Variants in FAM184A observed in about 807,000 individuals in gnomAD.
FAM184A encodes family with sequence similarity 184 member A.
A neutral mutation model predicts 143.8 loss-of-function variants in FAM184A; 99 were observed. The observed-to-expected ratio is 0.69, with a 90% CI of 0.58 to 0.81. The LOEUF is 0.81. Ranked by LOEUF, FAM184A falls within the 40% of genes least tolerant of loss-of-function variation. The pLI is 0.00. For synonymous variants in FAM184A, 427 were observed against 446.4 expected (o/e 0.96, Z 0.55); for missense variants, 1,217 against 1,310.5 (o/e 0.93, Z 1.10).
At chr6:118,990,050 T>C (rs771126226) in intron 9 of FAM184A, among the ~76,000 whole-genome samples, 27 of 152,090 alleles carry the variant, frequency 1.8e-4, no homozygotes, top group African/African-American at 6.3e-4. Flanking sequence ...GATGGTCTCA[T>C]CTTCTGACCT....
intron 7 of FAM184A, 189 bp downstream of exon 7, chr6:119,006,258 C>T (rs1299080214): frequency 1.3e-6 from 1 of 750,918 alleles, no homozygotes. Flanking sequence ...GGACTTCTAG[C>T]CTCCAGAGCT....
chr6:119,019,333 G>A (rs1785367501), intron 4 of FAM184A, among the ~76,000 whole-genome samples: 1 of 152,176 alleles, frequency 6.6e-6, no homozygotes, highest in Non-Finnish European at 1.5e-5. Flanking sequence ...TGAGGGCTGA[G>A]GCAAAAGCAA....
chr6:119,062,955 C>A (rs558994295), intron 1 of FAM184A, among the ~76,000 whole-genome samples: 2 of 152,246 alleles, frequency 1.3e-5, no homozygotes, highest in Non-Finnish European at 2.9e-5. Flanking sequence ...CTAGAGGGTA[C>A]ATTTAACACA....
At chr6:119,022,883 A>G (rs1361823378) in intron 3 of FAM184A, 62 bp downstream of exon 3, 1 of 1,596,758 alleles carries the variant, frequency 6.3e-7, no homozygotes, top group Non-Finnish European at 8.6e-7. Context: ...TCTCCAAAAA[A>G]ATAAATAAAT....
chr6:119,115,393 G>A (rs1052875968), intron 1 of FAM184A, among the ~76,000 whole-genome samples: 13 of 152,184 alleles, frequency 8.5e-5, no homozygotes, highest in Non-Finnish European at 4.4e-5. Context: ...TGATTCAGAT[G>A]TCAAGACTGA....
At chr6:119,050,730 G>A (rs1037799163) in intron 1 of FAM184A, among the ~76,000 whole-genome samples, 4 of 152,000 alleles carry the variant, frequency 2.6e-5, no homozygotes, top group Admixed American at 6.5e-5. Context: ...GCGTGAACCC[G>A]GGAAGCGGAG....
At chr6:118,978,240 G>C (rs1344704078) in intron 11 of FAM184A, among the ~76,000 whole-genome samples, 1 of 152,146 alleles carries the variant, frequency 6.6e-6, no homozygotes, top group East Asian at 1.9e-4. Flanking sequence ...TGGGATTAGA[G>C]GTGTGAGCCA....
At chr6:118,960,717 A>C in intron 17 of FAM184A, 1 of 970,676 alleles carries the variant, frequency 1.0e-6, no homozygotes, top group Non-Finnish European at 1.5e-6. Flanking sequence ...TACTTTTCTT[A>C]ATTCTAACTA....
At chr6:119,101,374 A>G (rs2114834729) in intron 1 of FAM184A, among the ~76,000 whole-genome samples, 1 of 152,206 alleles carries the variant, frequency 6.6e-6, no homozygotes, top group Non-Finnish European at 1.5e-5. Context: ...GCCCAGCCAC[A>G]ATGCACTTTC....
chr6:119,089,061 T>C (rs1788301421), intron 1 of FAM184A, among the ~76,000 whole-genome samples: 1 of 151,910 alleles, frequency 6.6e-6, no homozygotes, highest in Non-Finnish European at 1.5e-5. Context: ...TTTTCTATTA[T>C]TTATTTATTT....
At chr6:119,148,364 A>G (rs1026870531) in intron 1 of FAM184A, among the ~76,000 whole-genome samples, 1 of 152,062 alleles carries the variant, frequency 6.6e-6, no homozygotes, top group African/African-American at 2.4e-5. Flanking sequence ...CACCTACCCC[A>G]CGAGAGTTGG....
At chr6:119,071,180 T>G (rs994957115) in intron 1 of FAM184A, among the ~76,000 whole-genome samples, 7 of 152,190 alleles carry the variant, frequency 4.6e-5, no homozygotes, top group African/African-American at 1.7e-4. Flanking sequence ...TCATAACACT[T>G]TTTAAGACTG....
intron 2 of FAM184A, among the ~76,000 whole-genome samples, chr6:119,023,552 T>TC (rs758190115): frequency 2.1e-3 from 29 of 13,988 alleles, no homozygotes; most frequent in African/African-American, 4.3e-3. Context: ...AGCAATATTG[T>TC]CCGCCCCCCC....
intron 1 of FAM184A, among the ~76,000 whole-genome samples, chr6:119,103,547 C>G (rs2114838030): frequency 6.6e-6 from 1 of 152,130 alleles, no homozygotes. Context: ...ATTGGATGTC[C>G]AATTCATTTG....
chr6:119,076,721 C>T (rs1271411502), intron 1 of FAM184A, among the ~76,000 whole-genome samples: 2 of 152,202 alleles, frequency 1.3e-5, no homozygotes, highest in African/African-American at 4.8e-5. Flanking sequence ...TAAATATTCA[C>T]GTGCTTCATT....
chr6:119,066,702 T>C (rs1447668241), intron 1 of FAM184A, among the ~76,000 whole-genome samples: 2 of 152,250 alleles, frequency 1.3e-5, no homozygotes, highest in Admixed American at 6.5e-5. Context: ...AGGACAGTTA[T>C]CTTTGCCAAC....
At chr6:119,102,745 G>A (rs1396411541) in intron 1 of FAM184A, among the ~76,000 whole-genome samples, 6 of 118,986 alleles carry the variant, frequency 5.0e-5, no homozygotes, top group South Asian at 3.1e-4. Flanking sequence ...AGCTGAGATC[G>A]AGCCATTGCA....
At chr6:119,083,356 C>T (rs182541232), upstream of FAM184A, among the ~76,000 whole-genome samples, 3 of 152,324 alleles carry the variant, frequency 2.0e-5, no homozygotes, top group Non-Finnish European at 4.4e-5. Flanking sequence ...CTGCAACTGG[C>T]CTGAATTTCT....
intron 1 of FAM184A, among the ~76,000 whole-genome samples, chr6:119,091,359 G>A (rs1431645787): frequency 4.6e-5 from 7 of 152,070 alleles, no homozygotes; most frequent in South Asian, 4.2e-4. Context: ...TTAGATACAC[G>A]GCATTGGCTC....
Sources: gnomAD v4.1 joint callset for allele counts (sites outside exome capture counted in the v4.1 genomes callset) on GRCh38, gnomAD v4.1.1 for gene constraint, MANE v1.5 for transcripts, NCBI Gene and HGNC (gene_info 2026-07-23, HGNC 2026-07-21) for gene names.